Variants in KCNH1 observed in about 807,000 individuals in gnomAD.
KCNH1 encodes the protein potassium voltage-gated channel subfamily H member 1.
Under a neutral mutation model 69.2 loss-of-function variants are expected in KCNH1, and 27 were observed. The observed-to-expected ratio is 0.39, with a 90% CI of 0.29 to 0.54. KCNH1 has a LOEUF of 0.54. Among genes scored for constraint, KCNH1 ranks in the 20% least tolerant of loss-of-function variants. KCNH1 has a pLI of 0.68. For synonymous variants in KCNH1, 456 were observed against 487.7 expected, an observed-to-expected ratio of 0.93 and a Z score of 0.86; for missense variants, 798 against 1,261.6, an observed-to-expected ratio of 0.63 and a Z score of 5.57.
At chr1:210,898,703 C>T (rs1280439886) in intron 7 of KCNH1, among the ~76,000 whole-genome samples, 1 of 151,856 alleles carries the variant, frequency 6.6e-6, no homozygotes, top group East Asian at 1.9e-4. Flanking sequence ...CTGTCAACCA[C>T]CTTTTACAGA....
In KCNH1 at chr1:210,694,191, G is replaced by A. The variant is rs781640462; in HGVS notation, c.2113-10053C>T. Among the ~76,000 whole-genome samples the A allele has an allele frequency of 9.2e-5, 14 of 152,050 alleles. No individual in the cohort carries two copies. The South Asian group carries it at 1.0e-3, about 11-fold the overall frequency. ...GAACCCCTAGAATGAAGACCATGCC[G>A]GTAAAGACAGGGGAAATAGGGTAAG... is the stretch of plus-strand genomic sequence containing the variant. On this transcript the variant is annotated intron_variant, in intron 10 of 10. Coordinates refer to ENST00000271751, the MANE Select transcript of KCNH1 (RefSeq NM_172362.3).
intron 10 of KCNH1, among the ~76,000 whole-genome samples, chr1:210,753,368 G>T (rs1172940582): frequency 6.6e-6 from 1 of 152,166 alleles, no homozygotes; most frequent in African/African-American, 2.4e-5. Flanking sequence ...TAATGGAAAA[G>T]ACACTCAAAT....
chr1:210,772,617 G>A (rs1166727538), intron 10 of KCNH1, among the ~76,000 whole-genome samples: 1 of 151,568 alleles, frequency 6.6e-6, no homozygotes, highest in Admixed American at 6.6e-5. Flanking sequence ...AGAGTTAGAA[G>A]AAAATTTGAA....
intron 5 of KCNH1, among the ~76,000 whole-genome samples, chr1:211,031,662 C>A (rs1689788012): frequency 6.6e-6 from 1 of 152,142 alleles, no homozygotes; most frequent in Non-Finnish European, 1.5e-5. Context: ...ACAAAAAACA[C>A]ATGATTCTCT....
chr1:210,801,561 G>C (rs183966537), intron 8 of KCNH1, among the ~76,000 whole-genome samples: 73 of 152,350 alleles, frequency 4.8e-4, no homozygotes, highest in African/African-American at 1.8e-3. Flanking sequence ...TCTACAGGGA[G>C]AGGAAGAGAG....
At chr1:210,791,680 T>C (rs1309005384) in intron 9 of KCNH1, among the ~76,000 whole-genome samples, 1 of 152,226 alleles carries the variant, frequency 6.6e-6, no homozygotes, top group East Asian at 1.9e-4. Context: ...ACGTTACTTA[T>C]TGTCACTAGC....
At chr1:210,878,439 T>G (rs1295908473) in intron 7 of KCNH1, among the ~76,000 whole-genome samples, 1 of 152,134 alleles carries the variant, frequency 6.6e-6, no homozygotes, top group Non-Finnish European at 1.5e-5. Flanking sequence ...ACAAATGATG[T>G]AATGTCTGCT....
intron 9 of KCNH1, among the ~76,000 whole-genome samples, chr1:210,783,410 A>C (rs1250390580): frequency 6.6e-6 from 1 of 152,146 alleles, no homozygotes; most frequent in Non-Finnish European, 1.5e-5. Flanking sequence ...GTTTCCCCCA[A>C]ATCAATTCTT....
At chr1:211,124,417 G>A (rs1195355460) in intron 1 of KCNH1, among the ~76,000 whole-genome samples, 11 of 152,126 alleles carry the variant, frequency 7.2e-5, no homozygotes, top group Non-Finnish European at 1.5e-5. Context: ...AGGCCGAGGC[G>A]GGCAGATCAC....
intron 10 of KCNH1, among the ~76,000 whole-genome samples, chr1:210,729,881 A>G (rs1682702030): frequency 6.6e-6 from 1 of 152,208 alleles, no homozygotes; most frequent in African/African-American, 2.4e-5. Context: ...AGCTTTTGCC[A>G]TATCAGCTTG....
At chr1:211,078,596 ATC>A (rs1459630525) in intron 5 of KCNH1, among the ~76,000 whole-genome samples, 1 of 152,202 alleles carries the variant, frequency 6.6e-6, no homozygotes, top group Non-Finnish European at 1.5e-5. Flanking sequence ...ACGTACCAGA[ATC>A]TCTGGGACAC....
At chr1:210,856,819 T>TATTATATAG (rs893086808) in intron 7 of KCNH1, among the ~76,000 whole-genome samples, 1 of 131,214 alleles carries the variant, frequency 7.6e-6, no homozygotes, top group African/African-American at 2.7e-5. Flanking sequence ...ATATTATATA[T>TATTATATAG]ATTTTATATA....
At chr1:210,987,559 G>A (rs191034428) in intron 6 of KCNH1, among the ~76,000 whole-genome samples, 4 of 152,292 alleles carry the variant, frequency 2.6e-5, no homozygotes, top group East Asian at 1.9e-4. Flanking sequence ...TCCAGACCCC[G>A]TTTGCCTGGG....
chr1:211,111,099 G>T (rs539523077), intron 1 of KCNH1, among the ~76,000 whole-genome samples: 117 of 152,184 alleles, frequency 7.7e-4, no homozygotes, highest in African/African-American at 2.7e-3. Context: ...AATCATAAAA[G>T]ATTAATTTAT....
chr1:210,747,267 G>T (rs1270407631), intron 10 of KCNH1, among the ~76,000 whole-genome samples: 1 of 152,050 alleles, frequency 6.6e-6, no homozygotes, highest in Non-Finnish European at 1.5e-5. Context: ...AGAGCCACAG[G>T]GAGGTATGAC....
At chr1:210,826,749 C>G (rs1685039586) in intron 7 of KCNH1, among the ~76,000 whole-genome samples, 1 of 152,192 alleles carries the variant, frequency 6.6e-6, no homozygotes, top group Non-Finnish European at 1.5e-5. Flanking sequence ...ACTAAAATGA[C>G]TTACACTCTG....
chr1:210,890,867 C>G (rs899550170), intron 7 of KCNH1, among the ~76,000 whole-genome samples: 1 of 152,084 alleles, frequency 6.6e-6, no homozygotes, highest in Non-Finnish European at 1.5e-5. Flanking sequence ...GTTAGAATGA[C>G]GATCATTAAA....
At chr1:210,726,256 A>AT (rs1162176256) in intron 10 of KCNH1, among the ~76,000 whole-genome samples, 1 of 152,206 alleles carries the variant, frequency 6.6e-6, no homozygotes, top group East Asian at 1.9e-4. Flanking sequence ...AAAGGAAGTT[A>AT]TTTGGTGACT....
intron 5 of KCNH1, among the ~76,000 whole-genome samples, chr1:211,036,225 G>A (rs746955731): frequency 2.0e-5 from 3 of 152,156 alleles, no homozygotes; most frequent in Non-Finnish European, 4.4e-5. Context: ...CAAAAAGCAG[G>A]TGGTTGGTTA....
Sources: allele counts gnomAD v4.1 joint callset (sites outside exome capture counted in the v4.1 genomes callset), GRCh38; gene constraint gnomAD v4.1.1; transcripts MANE v1.5; gene names NCBI Gene and HGNC (gene_info 2026-07-23, HGNC 2026-07-21).